STPG2: variants seen among roughly 807,000 people sequenced by gnomAD.
The protein encoded by STPG2 is sperm tail PG-rich repeat containing 2.
A neutral mutation model predicts 54.2 loss-of-function variants in STPG2; 56 were observed. The observed-to-expected ratio is 1.03, with a 90% confidence interval of 0.83 to 1.29. STPG2 has a LOEUF of 1.29. STPG2 is among the 50% of genes most tolerant of loss of function. The pLI is 0.00. For synonymous variants in STPG2, 200 were observed against 181.8 expected, an observed-to-expected ratio of 1.10 and a Z score of -0.81; for missense variants, 596 against 544.9, an observed-to-expected ratio of 1.09 and a Z score of -0.93.
intron 10 of STPG2, among the ~76,000 whole-genome samples, chr4:97,643,272 T>C (rs1578448740): frequency 1.3e-5 from 2 of 151,758 alleles, no homozygotes; most frequent in African/African-American, 2.4e-5. Context: ...CTCCATTTTC[T>C]AACAGGCTAT....
intron 9 of STPG2, among the ~76,000 whole-genome samples, chr4:97,801,719 G>C (rs1727405998): frequency 6.6e-6 from 1 of 152,104 alleles, no homozygotes; most frequent in African/African-American, 2.4e-5. Context: ...TATGGGGATT[G>C]TCTCACATTC....
chr4:98,077,203 G>A (rs1334222741), intron 5 of STPG2, among the ~76,000 whole-genome samples: 1 of 149,814 alleles, frequency 6.7e-6, no homozygotes, highest in Non-Finnish European at 1.5e-5. Flanking sequence ...TCCACATAAA[G>A]TTCTTTTGCG....
At chr4:97,866,267 C>T (rs1729774965) in intron 8 of STPG2, among the ~76,000 whole-genome samples, 1 of 151,810 alleles carries the variant, frequency 6.6e-6, no homozygotes, top group Non-Finnish European at 1.5e-5. Context: ...TTGTCCATAA[C>T]AAAAAAGGAT....
intron 6 of STPG2, among the ~76,000 whole-genome samples, chr4:97,975,384 T>G (rs1734465002): frequency 6.6e-6 from 1 of 152,198 alleles, no homozygotes; most frequent in South Asian, 2.1e-4. Context: ...AAAAAATTAA[T>G]ATATCCTATC....
intron 2 of STPG2, among the ~76,000 whole-genome samples, chr4:98,130,870 C>T (rs1739968612): frequency 7.3e-6 from 1 of 137,698 alleles, no homozygotes; most frequent in Non-Finnish European, 1.5e-5. Flanking sequence ...TGCAGTGAGC[C>T]GAGATCACGC....
intron 5 of STPG2, among the ~76,000 whole-genome samples, chr4:98,049,831 A>T (rs1045686350): frequency 4.6e-5 from 7 of 152,110 alleles, no homozygotes; most frequent in Non-Finnish European, 1.0e-4. Context: ...GTCCCTCCTG[A>T]TTTTTTTAGT....
chr4:97,461,938 C>G (rs143364870), intron 4 of STPG2, among the ~76,000 whole-genome samples: 1,565 of 152,056 alleles, frequency 0.01, 11 homozygotes, highest in Non-Finnish European at 0.016. Flanking sequence ...TCAATAGATA[C>G]TCTTTATTGA....
intron 5 of STPG2, among the ~76,000 whole-genome samples, chr4:98,034,799 C>G (rs4699321): frequency 6.6e-6 from 1 of 151,884 alleles, no homozygotes; most frequent in Non-Finnish European, 1.5e-5. Flanking sequence ...CACCACACAT[C>G]TACAACCATC....
intron 4 of STPG2, among the ~76,000 whole-genome samples, chr4:97,522,822 T>G (rs1189067394): frequency 6.6e-6 from 1 of 152,026 alleles, no homozygotes; most frequent in East Asian, 1.9e-4. Flanking sequence ...GGTTTTAAAC[T>G]TAAGCACAAT....
chr4:97,622,281 A>G lies in STPG2; in HGVS notation c.1321-63164T>C, dbSNP rs377021631. Among the ~76,000 whole-genome samples, 29 of 152,276 alleles carry G rather than the reference A, an allele frequency of 1.9e-4. 1 individual carries two copies. The South Asian group carries it at 3.3e-3, about 17-fold the overall frequency. ...AGTACTCTAAGTCCTAGCAAGAGCA[A>G]TCAGGCAAGAGAAAGAAATAAAAGG... On this transcript the variant is annotated intron_variant, in intron 10 of 10. Transcript: ENST00000295268.
At chr4:97,477,320 C>T (rs1388588016) in intron 4 of STPG2, among the ~76,000 whole-genome samples, 1 of 152,136 alleles carries the variant, frequency 6.6e-6, no homozygotes, top group African/African-American at 2.4e-5. Flanking sequence ...TTCCAATTTT[C>T]AGCTCTGAAC....
chr4:97,867,069 G>C (rs1729813990), intron 8 of STPG2, among the ~76,000 whole-genome samples: 1 of 151,920 alleles, frequency 6.6e-6, no homozygotes, highest in South Asian at 2.1e-4. Flanking sequence ...GAGTAGCTTT[G>C]GGTGCATTCC....
At chr4:97,639,093 C>T (rs1721670847) in intron 10 of STPG2, among the ~76,000 whole-genome samples, 2 of 151,926 alleles carry the variant, frequency 1.3e-5, no homozygotes, top group Admixed American at 6.6e-5. Flanking sequence ...TTGGAACCAA[C>T]CCAAATGTCC....
chr4:98,064,152 CAA>C (rs1737751789), intron 5 of STPG2, among the ~76,000 whole-genome samples: 2 of 152,028 alleles, frequency 1.3e-5, no homozygotes, highest in South Asian at 4.2e-4. Flanking sequence ...TCTGATTAAA[CAA>C]AAAATAGATG....
At chr4:97,671,661 T>C (rs1195253968) in intron 10 of STPG2, among the ~76,000 whole-genome samples, 2 of 152,224 alleles carry the variant, frequency 1.3e-5, no homozygotes, top group African/African-American at 4.8e-5. Flanking sequence ...TAGTGTCAGA[T>C]GGCCTCTGGA....
chr4:97,600,980 C>T (rs1344382072), intron 10 of STPG2, among the ~76,000 whole-genome samples: 1 of 151,790 alleles, frequency 6.6e-6, no homozygotes, highest in African/African-American at 2.4e-5. Context: ...GTGAGGATGA[C>T]TATCACATAT....
intron 8 of STPG2, among the ~76,000 whole-genome samples, chr4:97,938,075 C>T (rs1181228955): frequency 2.0e-5 from 3 of 152,130 alleles, no homozygotes; most frequent in African/African-American, 4.8e-5. Flanking sequence ...TGTCCCTAAG[C>T]CCCCGGCTGG....
At chr4:98,022,410 T>C (rs1160715840) in intron 5 of STPG2, among the ~76,000 whole-genome samples, 4 of 152,222 alleles carry the variant, frequency 2.6e-5, no homozygotes, top group African/African-American at 7.2e-5. Flanking sequence ...TGGGCTTCCC[T>C]TTGTGGGTAA....
intron 4 of STPG2, among the ~76,000 whole-genome samples, chr4:97,493,712 T>C (rs1730551430): frequency 6.6e-6 from 1 of 151,464 alleles, no homozygotes; most frequent in Admixed American, 6.6e-5. Flanking sequence ...AAAAAGTACA[T>C]AAGAAACGAG....
Sources: allele counts gnomAD v4.1 joint callset (sites outside exome capture counted in the v4.1 genomes callset), GRCh38; gene constraint gnomAD v4.1.1; transcripts MANE v1.5; gene names NCBI Gene and HGNC (gene_info 2026-07-23, HGNC 2026-07-21).